Variants in PAM observed in about 807,000 individuals in gnomAD.
The protein encoded by PAM is peptidylglycine alpha-amidating monooxygenase.
PAM carries 72 observed loss-of-function variants against 122.1 expected under a neutral mutation model. The observed-to-expected ratio is 0.59, with a 90% CI of 0.49 to 0.72. The LOEUF (loss-of-function observed/expected upper bound fraction) is 0.72, where lower values mean the gene tolerates loss of function less well. Among genes scored for constraint, PAM ranks in the 30% least tolerant of loss-of-function variants. The pLI is 0.00. For synonymous variants in PAM, 389 were observed against 404.4 expected, an observed-to-expected ratio of 0.96 and a Z score of 0.46; for missense variants, 1,106 against 1,183.7, an observed-to-expected ratio of 0.93 and a Z score of 0.96.
intron 3 of PAM, among the ~76,000 whole-genome samples, chr5:102,868,507 T>C (rs73192736): frequency 0.015 from 2,214 of 152,290 alleles, 46 homozygotes; most frequent in African/African-American, 0.051. Context: ...ATGCATTCAG[T>C]TGTTACTGTG....
At chr5:102,829,360 G>A (rs1175500137) in intron 1 of PAM, among the ~76,000 whole-genome samples, 2 of 150,794 alleles carry the variant, frequency 1.3e-5, no homozygotes, top group African/African-American at 4.9e-5. Flanking sequence ...GAGCAACTGG[G>A]AGGTTTTTTT....
At chr5:102,850,805 G>A (rs1561628724) in intron 1 of PAM, among the ~76,000 whole-genome samples, 1 of 151,978 alleles carries the variant, frequency 6.6e-6, no homozygotes, top group South Asian at 2.1e-4. Flanking sequence ...CTCATACAAC[G>A]CCCTGCAAAA....
At chr5:102,940,049 C>T (rs1253599335) in intron 7 of PAM, among the ~76,000 whole-genome samples, 1 of 151,524 alleles carries the variant, frequency 6.6e-6, no homozygotes, top group Non-Finnish European at 1.5e-5. Flanking sequence ...AGAGACAACA[C>T]ATTGTTGCAC....
chr5:102,808,791 T>C (rs1766975509), intron 1 of PAM, among the ~76,000 whole-genome samples: 1 of 152,214 alleles, frequency 6.6e-6, no homozygotes, highest in South Asian at 2.1e-4. Flanking sequence ...GTGATAATCA[T>C]CATTCCATAG....
chr5:102,821,021 G>T (rs1771726530), intron 1 of PAM, among the ~76,000 whole-genome samples: 1 of 152,078 alleles, frequency 6.6e-6, no homozygotes, highest in South Asian at 2.1e-4. Flanking sequence ...TTTTGGAGGT[G>T]AACCAACAGA....
At chr5:102,809,316 A>G (rs1367633855) in intron 1 of PAM, among the ~76,000 whole-genome samples, 1 of 150,916 alleles carries the variant, frequency 6.6e-6, no homozygotes, top group Non-Finnish European at 1.5e-5. Flanking sequence ...CCAGGAGACC[A>G]GCCTGAGCAA....
rs1183028118 is a variant in PAM at position 103,001,971 on chromosome 5, TAA to T, written c.1614-1061_1614-1060del. 3.9e-5 allele frequency among the ~76,000 whole-genome samples: 6 copies of T among 152,096 alleles called. No individual in the cohort carries two copies. In the East Asian group the frequency reaches 1.2e-3, roughly 29 times the overall value. ...CAATTCTGTTTTACAGAAATATTCATAAGTCATTTATTGACTTGATATGTATA... is the reference window on the plus strand; with the variant it reads ...CAATTCTGTTTTACAGAAATATTCATGTCATTTATTGACTTGATATGTATA... On this transcript the variant is annotated intron_variant, in intron 16 of 25. Transcript: ENST00000438793.
intron 1 of PAM, among the ~76,000 whole-genome samples, chr5:102,785,418 G>A (rs1760248583): frequency 6.6e-6 from 1 of 152,220 alleles, no homozygotes; most frequent in African/African-American, 2.4e-5. Flanking sequence ...AGATACGTGG[G>A]AGACTGAATA....
At chr5:102,990,801 C>G (rs1013278864) in intron 16 of PAM, among the ~76,000 whole-genome samples, 4 of 152,154 alleles carry the variant, frequency 2.6e-5, no homozygotes, top group African/African-American at 9.7e-5. Flanking sequence ...TAACAACGCA[C>G]TTTTGTTATT....
At chr5:102,892,988 T>TA (rs1795182026) in intron 3 of PAM, among the ~76,000 whole-genome samples, 1 of 151,792 alleles carries the variant, frequency 6.6e-6, no homozygotes, top group Admixed American at 6.6e-5. Context: ...TTGATCTAAT[T>TA]TAGCTTATTA....
intron 1 of PAM, among the ~76,000 whole-genome samples, chr5:102,780,201 A>G (rs1283793867): frequency 1.3e-5 from 2 of 152,002 alleles, no homozygotes; most frequent in Non-Finnish European, 2.9e-5. Flanking sequence ...TTAAAAGAAC[A>G]TAGCATATAT....
At chr5:103,002,029 C>G (rs1209980571) in intron 16 of PAM, among the ~76,000 whole-genome samples, 1 of 151,998 alleles carries the variant, frequency 6.6e-6, no homozygotes, top group Non-Finnish European at 1.5e-5. Context: ...CACACCCACA[C>G]ACACACATAC....
intron 3 of PAM, among the ~76,000 whole-genome samples, chr5:102,869,823 C>T (rs977797956): frequency 6.6e-6 from 1 of 151,082 alleles, no homozygotes; most frequent in Non-Finnish European, 1.5e-5. Context: ...CAAAGTTTTA[C>T]ACAAGTCCTT....
At chr5:102,800,018 G>T (rs1252593015) in intron 1 of PAM, among the ~76,000 whole-genome samples, 2 of 152,164 alleles carry the variant, frequency 1.3e-5, no homozygotes, top group African/African-American at 4.8e-5. Context: ...TCTACCACAA[G>T]CTCCATTCAT....
intron 15 of PAM, among the ~76,000 whole-genome samples, chr5:102,988,174 C>T (rs928091952): frequency 3.3e-5 from 5 of 152,156 alleles, no homozygotes; most frequent in African/African-American, 1.2e-4. Flanking sequence ...AATCTTACAA[C>T]ACATTCTGCA....
intron 14 of PAM, among the ~76,000 whole-genome samples, chr5:102,964,537 G>C (rs964267918): frequency 6.6e-6 from 1 of 151,716 alleles, no homozygotes; most frequent in East Asian, 1.9e-4. Flanking sequence ...TTTTAATGAG[G>C]CTTTAATTGA....
rs201906746 is a variant in PAM at position 102,950,419 on chromosome 5, GTGTGT to G, written c.802-297_802-293del. Among the ~76,000 whole-genome samples, 881 of 148,748 alleles carry G rather than the reference GTGTGT, an allele frequency of 5.9e-3. 6 individuals carry two copies. The highest frequency in any genetic ancestry group is 0.021 in the African/African-American group (840 of 39,552). On this transcript the variant is annotated intron_variant, in intron 11 of 25. Coordinates refer to ENST00000438793, the MANE Select transcript of PAM (RefSeq NM_001177306.2). ...TGATTATTTGTGTATGTGGGTGGGT[GTGTGT>G]GTGTGTGTGTGTGTGTCTATTTCAC...
intron 15 of PAM, among the ~76,000 whole-genome samples, chr5:102,987,283 A>G (rs1399354817): frequency 6.6e-6 from 1 of 152,320 alleles, no homozygotes; most frequent in Non-Finnish European, 1.5e-5. Flanking sequence ...ATTAAGTGAA[A>G]TAAGCCAAAA....
intron 3 of PAM, among the ~76,000 whole-genome samples, chr5:102,898,867 C>T (rs953262464): frequency 6.6e-6 from 1 of 151,632 alleles, no homozygotes; most frequent in African/African-American, 2.4e-5. Flanking sequence ...TTCATTTCAC[C>T]AATTTCCAGA....
Sources: allele counts gnomAD v4.1 joint callset (sites outside exome capture counted in the v4.1 genomes callset), GRCh38; gene constraint gnomAD v4.1.1; transcripts MANE v1.5; gene names NCBI Gene and HGNC (gene_info 2026-07-23, HGNC 2026-07-21).